The following CSNK1G3 variants were observed in gnomAD, a reference collection of about 807,000 sequenced individuals.
CSNK1G3 encodes the protein casein kinase I isoform gamma-3.
A neutral mutation model predicts 64.3 loss-of-function variants in CSNK1G3; 23 were observed. The ratio of observed to expected loss-of-function variants is 0.36; its 90% CI spans 0.26 to 0.51. CSNK1G3 has a LOEUF of 0.51. Among genes scored for constraint, CSNK1G3 ranks in the 20% least tolerant of loss-of-function variants. The pLI, the probability that CSNK1G3 is intolerant of heterozygous loss-of-function variation, is 0.96. For missense variants in CSNK1G3, 357 were observed against 510.5 expected (o/e 0.70, Z 2.90); for synonymous variants, 158 against 162.2 (o/e 0.97, Z 0.20).
intron 1 of CSNK1G3, among the ~76,000 whole-genome samples, chr5:123,538,732 AT>A (rs1388907353): frequency 3.3e-5 from 5 of 152,132 alleles, no homozygotes; most frequent in South Asian, 2.1e-4. Flanking sequence ...AAGTATAATA[AT>A]TTTTTTAAAA....
At chr5:123,515,143 CTG>C in intron 1 of CSNK1G3, among the ~76,000 whole-genome samples, 1 of 152,232 alleles carries the variant, frequency 6.6e-6, no homozygotes, top group South Asian at 2.1e-4. Flanking sequence ...TCAATCCAGA[CTG>C]TAAAAATGTG....
At chr5:123,588,636 G>T (rs1479984355) in intron 8 of CSNK1G3, 125 bp downstream of exon 8, 1 of 691,164 alleles carries the variant, frequency 1.4e-6, no homozygotes. Context: ...ATGATTTAAA[G>T]GTTGTCAGCA....
intron 4 of CSNK1G3, among the ~76,000 whole-genome samples, chr5:123,560,951 A>G (rs922496467): frequency 6.6e-6 from 1 of 152,184 alleles, no homozygotes; most frequent in Non-Finnish European, 1.5e-5. Flanking sequence ...CTGTACACTT[A>G]AAGATGGTTT....
intron 1 of CSNK1G3, among the ~76,000 whole-genome samples, chr5:123,513,957 G>A (rs998456331): frequency 1.3e-5 from 2 of 152,106 alleles, no homozygotes; most frequent in African/African-American, 4.8e-5. Flanking sequence ...TGTATCTTAG[G>A]ATAAATTGTC....
chr5:123,614,357 C>G (rs1229108302), exon 13 of CSNK1G3: 2 of 1,612,776 alleles, frequency 1.2e-6, no homozygotes, highest in South Asian at 1.1e-5. Flanking sequence ...GCTGTTTTTT[C>G]AAACGAAGGA....
chr5:123,550,712 C>T (rs958238232), intron 2 of CSNK1G3, among the ~76,000 whole-genome samples: 1 of 152,156 alleles, frequency 6.6e-6, no homozygotes, highest in Non-Finnish European at 1.5e-5. Context: ...TAACCGGCAC[C>T]AGTTTACTTG....
chr5:123,593,930 T>G (rs1792920829), intron 10 of CSNK1G3, among the ~76,000 whole-genome samples: 1 of 152,018 alleles, frequency 6.6e-6, no homozygotes. Flanking sequence ...TTTCATGACT[T>G]TGTTTGAAAA....
intron 12 of CSNK1G3, among the ~76,000 whole-genome samples, chr5:123,609,850 T>C (rs1796012695): frequency 6.6e-6 from 1 of 152,112 alleles, no homozygotes; most frequent in Non-Finnish European, 1.5e-5. Context: ...AAGAGCTCTG[T>C]GAACTTAATG....
chr5:123,572,324 G>A (rs1358152679), intron 4 of CSNK1G3, among the ~76,000 whole-genome samples: 1 of 152,160 alleles, frequency 6.6e-6, no homozygotes, highest in Non-Finnish European at 1.5e-5. Context: ...TTTATTGGGA[G>A]TCTGTTAGTT....
At chr5:123,514,992 C>T (rs896613301) in intron 1 of CSNK1G3, among the ~76,000 whole-genome samples, 25 of 151,976 alleles carry the variant, frequency 1.6e-4, no homozygotes, top group Admixed American at 1.6e-3. Context: ...ATAAAATAGT[C>T]AATTTTCTAT....
chr5:123,561,962 C>G (rs750511166), intron 4 of CSNK1G3, among the ~76,000 whole-genome samples: 1 of 152,138 alleles, frequency 6.6e-6, no homozygotes, highest in Non-Finnish European at 1.5e-5. Flanking sequence ...CCCATTGTTA[C>G]TTTTCTTCGA....
intron 10 of CSNK1G3, among the ~76,000 whole-genome samples, chr5:123,597,134 G>C (rs1793589667): frequency 6.6e-6 from 1 of 152,056 alleles, no homozygotes. Flanking sequence ...TATTCTCATT[G>C]TTTGATAAAG....
chr5:123,589,033 A>G (rs1267032752), intron 8 of CSNK1G3, among the ~76,000 whole-genome samples: 1 of 152,162 alleles, frequency 6.6e-6, no homozygotes, highest in Non-Finnish European at 1.5e-5. Flanking sequence ...ACTCAAATTA[A>G]GCCAAAAAAA....
At chr5:123,608,022 T>A (rs1795659970) in intron 12 of CSNK1G3, among the ~76,000 whole-genome samples, 1 of 152,114 alleles carries the variant, frequency 6.6e-6, no homozygotes, top group African/African-American at 2.4e-5. Flanking sequence ...CCTGAACTAT[T>A]GGGCTCAAGT....
chr5:123,540,364 A>T (rs1299181311), intron 1 of CSNK1G3, among the ~76,000 whole-genome samples: 1 of 151,264 alleles, frequency 6.6e-6, no homozygotes, highest in Admixed American at 6.6e-5. Flanking sequence ...ATTAGTGATA[A>T]CTCTATTGAA....
chr5:123,591,609 A>C lies in CSNK1G3; in HGVS notation c.1086+195A>C, dbSNP rs982302669. Among the ~76,000 whole-genome samples, 8 of 152,206 alleles carry C rather than the reference A, an allele frequency of 5.3e-5. No homozygotes were observed. In the South Asian group the frequency reaches 1.0e-3, roughly 20 times the overall value. On this transcript the variant is annotated intron_variant, in intron 10 of 12. Coordinates refer to ENST00000345990, the Ensembl canonical transcript of CSNK1G3. ...ATCATAAATCCTTAATTAATGGTAC[A>C]AATTAGTGTAAACTTTTAGGAATAT...
At chr5:123,537,550 A>T (rs1393989754) in intron 1 of CSNK1G3, among the ~76,000 whole-genome samples, 2 of 152,170 alleles carry the variant, frequency 1.3e-5, no homozygotes, top group African/African-American at 2.4e-5. Flanking sequence ...ACAAAATTGT[A>T]TATGTACCCC....
chr5:123,525,565 G>A (rs1299742164), intron 1 of CSNK1G3, among the ~76,000 whole-genome samples: 3 of 152,094 alleles, frequency 2.0e-5, no homozygotes, highest in Non-Finnish European at 4.4e-5. Context: ...AAAGTGTTGG[G>A]ATTACAGGCG....
intron 10 of CSNK1G3, among the ~76,000 whole-genome samples, chr5:123,602,179 A>T (rs1388472866): frequency 6.6e-6 from 1 of 152,202 alleles, no homozygotes; most frequent in Non-Finnish European, 1.5e-5. Context: ...TTTGAAGATT[A>T]TCAAGGCAGT....
Sources: allele counts gnomAD v4.1 joint callset (sites outside exome capture counted in the v4.1 genomes callset), GRCh38; gene constraint gnomAD v4.1.1; transcripts MANE v1.5; gene names NCBI Gene and HGNC (gene_info 2026-07-23, HGNC 2026-07-21).